The following NUB1 variants were observed in gnomAD, a reference collection of about 807,000 sequenced individuals.
NUB1 encodes NEDD8 ultimate buster 1.
In NUB1, 41 loss-of-function variants were observed where a neutral mutation model predicts 77.1. That is an observed-to-expected ratio of 0.53 (90% CI 0.41 to 0.69). The LOEUF (loss-of-function observed/expected upper bound fraction) is 0.69, where lower values mean the gene tolerates loss of function less well. NUB1 is among the 30% of genes least tolerant of loss of function. The pLI is 0.00. For missense variants in NUB1, 643 were observed against 743.8 expected (o/e 0.86, Z 1.58); for synonymous variants, 257 against 281.0 (o/e 0.91, Z 0.85).
intron 3 of NUB1, among the ~76,000 whole-genome samples, 183 bp downstream of exon 3, chr7:151,349,423 G>A (rs550209763): frequency 1.3e-5 from 2 of 152,300 alleles, no homozygotes; most frequent in Admixed American, 1.3e-4. Context: ...CATTCCCAAG[G>A]TAGGCTTTTA....
Position 151,367,893 on chromosome 7 carries a change from A to G in NUB1, c.1020A>G (p.Leu340=). 1 of 1,601,492 alleles carries G rather than the reference A, an allele frequency of 6.2e-7. No homozygotes were observed. The highest frequency in any genetic ancestry group is 8.5e-7 in the Non-Finnish European group (1 of 1,172,898). Residue 340 remains leucine, a synonymous_variant, in exon 10 of 15, where the codon CTA becomes CTG. Coordinates refer to ENST00000568733, the MANE Select transcript of NUB1 (RefSeq NM_001243351.2). ...GTGGGAAAGAGAAGGTACTGTTTCTAAGACTCTACTTACTTCAAGGGATCC... is the reference window on the plus strand; with the variant it reads ...GTGGGAAAGAGAAGGTACTGTTTCTGAGACTCTACTTACTTCAAGGGATCC... ...GNCGKEKVLF[L]RLYLLQGIRN...
At chr7:151,349,274 A>ACTGGACATTAG in intron 3 of NUB1, 34 bp downstream of exon 3, 4 of 1,547,150 alleles carry the variant, frequency 2.6e-6, no homozygotes, top group Non-Finnish European at 3.5e-6. Flanking sequence ...GTAGGCACTA[A>ACTGGACATTAG]TGTCCAGTTA....
At chr7:151,373,219 G>C (rs888970621) in intron 11 of NUB1, among the ~76,000 whole-genome samples, 4 of 152,196 alleles carry the variant, frequency 2.6e-5, no homozygotes, top group African/African-American at 9.7e-5. Context: ...GGAGAATGTA[G>C]CAAGTCACTT....
At chr7:151,345,957 A>G (rs974375874) in intron 2 of NUB1, among the ~76,000 whole-genome samples, 3 of 152,196 alleles carry the variant, frequency 2.0e-5, no homozygotes, top group African/African-American at 7.2e-5. Context: ...ATCATCAGAA[A>G]TGATATTGTA....
At chr7:151,342,181 G>C (rs1378085984) in intron 1 of NUB1, among the ~76,000 whole-genome samples, 1 of 152,218 alleles carries the variant, frequency 6.6e-6, no homozygotes, top group Non-Finnish European at 1.5e-5. Flanking sequence ...TACTTGAATC[G>C]TAACACTCCG....
chr7:151,367,319 G>A (rs1334601239), intron 9 of NUB1, among the ~76,000 whole-genome samples, 194 bp downstream of exon 9: 2 of 152,190 alleles, frequency 1.3e-5, no homozygotes, highest in Admixed American at 1.3e-4. Context: ...TACTTAGCGT[G>A]TGAGCATTTA....
chr7:151,360,022 T>G, intron 7 of NUB1, 119 bp from the exon 8 acceptor site: 1 of 536,728 alleles, frequency 1.9e-6, no homozygotes, highest in African/African-American at 1.9e-5. Flanking sequence ...GCTTTTAGAT[T>G]GAGTTATGAT....
At chr7:151,354,018 T>C (rs961691025) in intron 5 of NUB1, among the ~76,000 whole-genome samples, 3 of 152,238 alleles carry the variant, frequency 2.0e-5, no homozygotes, top group South Asian at 2.1e-4. Context: ...GTTTGTGTTT[T>C]GTTGAAGTCC....
chr7:151,368,990 G>T, intron 11 of NUB1, 103 bp downstream of exon 11: 5 of 1,240,430 alleles, frequency 4.0e-6, no homozygotes, highest in Non-Finnish European at 3.2e-6. Context: ...ACTCCAGATT[G>T]GGAAGGAAGG....
At chr7:151,351,707 T>A (rs1230103527) in intron 4 of NUB1, among the ~76,000 whole-genome samples, 1 of 152,154 alleles carries the variant, frequency 6.6e-6, no homozygotes, top group Non-Finnish European at 1.5e-5. Context: ...CTGGTGTAAC[T>A]TCCGAGCAGG....
At chr7:151,353,673 C>T (rs1360276981) in intron 5 of NUB1, among the ~76,000 whole-genome samples, 10 of 152,160 alleles carry the variant, frequency 6.6e-5, no homozygotes, top group African/African-American at 2.4e-4. Flanking sequence ...AGAAAGGTCA[C>T]GCAGTAGGGG....
chr7:151,360,768 A>C (rs1187387504), intron 8 of NUB1: 4 of 147,682 alleles, frequency 2.7e-5, no homozygotes, highest in Non-Finnish European at 4.4e-5. Flanking sequence ...ACAGGTGCAC[A>C]TCACCACAGG....
At chr7:151,350,548 C>T (rs1796745618) in intron 3 of NUB1, among the ~76,000 whole-genome samples, 1 of 152,244 alleles carries the variant, frequency 6.6e-6, no homozygotes, top group Admixed American at 6.5e-5. Context: ...CAGCTCCTAT[C>T]TCTGTGTGGC....
intron 3 of NUB1, among the ~76,000 whole-genome samples, chr7:151,350,458 G>A (rs1251869990): frequency 2.0e-5 from 3 of 152,252 alleles, no homozygotes; most frequent in Non-Finnish European, 4.4e-5. Flanking sequence ...ACCGCTAGAC[G>A]AGGGAGCCCT....
chr7:151,362,993 C>G (rs1226984737), intron 8 of NUB1, among the ~76,000 whole-genome samples: 1 of 152,214 alleles, frequency 6.6e-6, no homozygotes, highest in Non-Finnish European at 1.5e-5. Flanking sequence ...CTTAACAAAG[C>G]TTAAAAGCTA....
At chr7:151,346,135 T>C (rs17173096) in intron 2 of NUB1, among the ~76,000 whole-genome samples, 10,709 of 152,258 alleles carry the variant, frequency 0.07, 540 homozygotes, top group African/African-American at 0.13. Context: ...CTAAGGATTG[T>C]CATGAGGCAT....
In NUB1 at chr7:151,352,004, T is replaced by G. The variant is rs1267560764; in HGVS notation, c.344+522T>G. The G allele has an allele frequency of 2.5e-5, 11 of 436,044 alleles. No individual in the cohort carries two copies. The East Asian group carries it at 7.8e-4, about 31-fold the overall frequency. 27.0% of individuals were successfully genotyped at this position (436,044 alleles called of 1,614,324 possible). On this transcript the variant is annotated intron_variant, in intron 4 of 14. Coordinates refer to ENST00000568733, the MANE Select transcript of NUB1 (RefSeq NM_001243351.2). ...GGTTATTTCATCTCCTTGTATGTTT[T>G]AAAATGGTGTTTGGAGCACCTCCAG...
chr7:151,353,738 C>T (rs1050290355), intron 5 of NUB1, among the ~76,000 whole-genome samples: 1 of 152,192 alleles, frequency 6.6e-6, no homozygotes, highest in Non-Finnish European at 1.5e-5. Context: ...GCTACTGCAG[C>T]CATCCATACA....
chr7:151,373,670 C>T (rs1168024801), intron 11 of NUB1, among the ~76,000 whole-genome samples: 3 of 152,214 alleles, frequency 2.0e-5, no homozygotes, highest in Non-Finnish European at 4.4e-5. Context: ...AATCCCTGGG[C>T]GATTCATCGA....
Sources: allele counts gnomAD v4.1 joint callset (sites outside exome capture counted in the v4.1 genomes callset), GRCh38; gene constraint gnomAD v4.1.1; transcripts MANE v1.5; gene names NCBI Gene and HGNC (gene_info 2026-07-23, HGNC 2026-07-21).